Variants in INSC observed in about 807,000 individuals in gnomAD.
INSC encodes INSC spindle orientation adaptor protein, also known as protein inscuteable homolog.
Under a neutral mutation model 58.6 loss-of-function variants are expected in INSC, and 67 were observed. The ratio of observed to expected loss-of-function variants is 1.14; its 90% CI spans 0.94 to 1.40. The LOEUF (loss-of-function observed/expected upper bound fraction) is 1.40, where lower values mean the gene tolerates loss of function less well. INSC is among the 40% of genes most tolerant of loss of function. The pLI, the probability that INSC is intolerant of heterozygous loss-of-function variation, is 0.00. For synonymous variants in INSC, 262 were observed against 276.1 expected (o/e 0.95, Z 0.51); for missense variants, 714 against 692.0 (o/e 1.03, Z -0.36).
chr11:15,146,376 T>C (rs764741885), intron 1 of INSC, among the ~76,000 whole-genome samples: 1 of 152,200 alleles, frequency 6.6e-6, no homozygotes, highest in Non-Finnish European at 1.5e-5. Context: ...TCTTATCCTT[T>C]TGGGGCAAAG....
intron 1 of INSC, among the ~76,000 whole-genome samples, chr11:15,144,917 A>G (rs1000140235): frequency 1.3e-5 from 2 of 152,218 alleles, no homozygotes; most frequent in African/African-American, 4.8e-5. Context: ...CTTGTAAACT[A>G]GTCACTTCTG....
At chr11:15,190,397 G>T (rs769338557) in intron 5 of INSC, among the ~76,000 whole-genome samples, 3 of 152,190 alleles carry the variant, frequency 2.0e-5, no homozygotes, top group African/African-American at 7.2e-5. Flanking sequence ...TTCACAAAAT[G>T]GTATTTGCTG....
chr11:15,127,742 A>C (rs1848030680), intron 1 of INSC, among the ~76,000 whole-genome samples: 1 of 152,182 alleles, frequency 6.6e-6, no homozygotes, highest in Non-Finnish European at 1.5e-5. Flanking sequence ...GTCATGGATC[A>C]AGCAAGGTGG....
chr11:15,240,889 T>A (rs999202619), intron 12 of INSC, among the ~76,000 whole-genome samples: 23 of 152,194 alleles, frequency 1.5e-4, no homozygotes, highest in Non-Finnish European at 2.8e-4. Context: ...CCCTGCCTAT[T>A]CCAAAGGGAA....
chr11:15,221,051 C>A (rs1792554), intron 7 of INSC, among the ~76,000 whole-genome samples: 1 of 152,082 alleles, frequency 6.6e-6, no homozygotes, highest in Non-Finnish European at 1.5e-5. Flanking sequence ...CCCTGTTGAA[C>A]GGTGAGGAAA....
At chr11:15,112,283 G>C (rs1007059398), upstream of INSC, 2 of 477,632 alleles carry the variant, frequency 4.2e-6, no homozygotes, top group Non-Finnish European at 7.4e-6. Context: ...GGAGGGGGTC[G>C]AGGGGGAGGA....
At chr11:15,149,056 C>G in intron 1 of INSC, 74 bp from the exon 2 acceptor site, 3 of 1,460,006 alleles carry the variant, frequency 2.1e-6, no homozygotes, top group Non-Finnish European at 2.7e-6. Context: ...TCCTTGTGGC[C>G]TGGGACTGGG....
At chr11:15,137,542 C>G (rs761372124) in intron 1 of INSC, among the ~76,000 whole-genome samples, 1 of 152,232 alleles carries the variant, frequency 6.6e-6, no homozygotes, top group Non-Finnish European at 1.5e-5. Context: ...ACTTCTCCAT[C>G]AGCACTTGCT....
chr11:15,160,373 G>T (rs1164975404), intron 2 of INSC, among the ~76,000 whole-genome samples: 1 of 152,132 alleles, frequency 6.6e-6, no homozygotes, highest in East Asian at 1.9e-4. Flanking sequence ...TCAGGGCTGG[G>T]ACAATGGTTG....
At chr11:15,266,423 A>G in the INSC span, among the ~76,000 whole-genome samples, 1 of 152,048 alleles carries the variant, frequency 6.6e-6, no homozygotes, top group Non-Finnish European at 1.5e-5. Flanking sequence ...GGTTATGTCC[A>G]TCATCTGTGA....
intron 9 of INSC, among the ~76,000 whole-genome samples, chr11:15,229,965 TATATATATATATATTATATATATA>T (rs1851807393): frequency 1.2e-4 from 3 of 24,502 alleles, no homozygotes; most frequent in Non-Finnish European, 1.9e-4. Context: ...TATATTTATA[TATATATATATATATTATATATATA>T]TATATATATA....
At chr11:15,153,666 G>T (rs1848720624) in intron 2 of INSC, among the ~76,000 whole-genome samples, 1 of 152,206 alleles carries the variant, frequency 6.6e-6, no homozygotes, top group Non-Finnish European at 1.5e-5. Context: ...AAGGCAGAGG[G>T]ACAATGATTC....
chr11:15,112,222 A>G (rs1847586227), upstream of INSC, among the ~76,000 whole-genome samples: 1 of 152,212 alleles, frequency 6.6e-6, no homozygotes. Flanking sequence ...TGGAATTTCC[A>G]TTAAGAATTA....
chr11:15,159,251 G>C (rs1289984517), intron 2 of INSC, among the ~76,000 whole-genome samples: 1 of 152,200 alleles, frequency 6.6e-6, no homozygotes, highest in Non-Finnish European at 1.5e-5. Context: ...GGCTGATGGA[G>C]AGTTCTGGAG....
rs1851064727 is a variant in INSC, at chr11:15,212,440, ACTGGGCCCCG to A, written c.820-9035_820-9026del. Among the ~76,000 whole-genome samples, 3 of 152,276 alleles carry A rather than the reference ACTGGGCCCCG, an allele frequency of 2.0e-5. No homozygotes were observed. In the South Asian group the frequency reaches 6.2e-4, roughly 32 times the overall value. ...GAGCCACTGGGCCCTGCCGTGAGCC[ACTGGGCCCCG>A]CCAGAAATTGACATCTTAAACAATG... On this transcript the variant is annotated intron_variant, in intron 7 of 12. Coordinates refer to ENST00000379556, the MANE Select transcript of INSC (RefSeq NM_001042536.3).
In INSC at chr11:15,240,542, C is replaced by T; in HGVS notation, c.1470+19C>T. 1 of 1,605,888 alleles carries T rather than the reference C, an allele frequency of 6.2e-7. No individual in the cohort carries two copies. The highest frequency in any genetic ancestry group is 2.2e-5 in the East Asian group (1 of 44,474). On this transcript the variant is annotated intron_variant, in intron 12 of 12. Transcript: ENST00000379556. ...CTGCCTGGTGAGTTCTCAGTCTTCC[C>T]CCAGCTTTTCCCCTGGCCTTCGGAA...
At chr11:15,132,007 GGATT>G (rs1261962368) in intron 1 of INSC, among the ~76,000 whole-genome samples, 1 of 151,504 alleles carries the variant, frequency 6.6e-6, no homozygotes, top group Non-Finnish European at 1.5e-5. Context: ...TTCTTTGTTT[GGATT>G]AATTTTTAAA....
chr11:15,112,306 G>A, upstream of INSC: 1 of 503,288 alleles, frequency 2.0e-6, no homozygotes, highest in South Asian at 3.7e-5. Context: ...CTTCAACTCT[G>A]AGCTCCCTTG....
chr11:15,162,656 T>C (rs569650022), intron 2 of INSC, among the ~76,000 whole-genome samples: 2 of 152,374 alleles, frequency 1.3e-5, no homozygotes, highest in African/African-American at 4.8e-5. Flanking sequence ...TTTTGCTTAC[T>C]AATATATCCC....
Sources: gnomAD v4.1 joint callset for allele counts (sites outside exome capture counted in the v4.1 genomes callset) on GRCh38, gnomAD v4.1.1 for gene constraint, MANE v1.5 for transcripts, NCBI Gene and HGNC (gene_info 2026-07-23, HGNC 2026-07-21) for gene names.